The following NRXN1 variants were observed in gnomAD, a reference collection of about 807,000 sequenced individuals.
NRXN1 encodes the protein neurexin-1.
Under a neutral mutation model 150.9 loss-of-function variants are expected in NRXN1, and 39 were observed. That is an observed-to-expected ratio of 0.26 (90% CI 0.20 to 0.34). The LOEUF is 0.34. NRXN1 is among the 10% of genes least tolerant of loss of function. The pLI is 1.00. For synonymous variants in NRXN1, 924 were observed against 757.0 expected (o/e 1.22, Z -3.62); for missense variants, 1,815 against 1,949.9 (o/e 0.93, Z 1.30).
At chr2:50,622,150 A>T (rs1040720597) in intron 6 of NRXN1, among the ~76,000 whole-genome samples, 1 of 152,164 alleles carries the variant, frequency 6.6e-6, no homozygotes, top group African/African-American at 2.4e-5. Flanking sequence ...AGGTGGAAGC[A>T]TGCAGGGCCC....
intron 5 of NRXN1, among the ~76,000 whole-genome samples, chr2:50,671,475 T>G (rs1182040085): frequency 4.6e-5 from 7 of 151,666 alleles, no homozygotes; most frequent in African/African-American, 1.7e-4. Context: ...TCAAATCATT[T>G]TTCTGATAAT....
rs200181793 is a variant in NRXN1 at position 49,988,695 on chromosome 2, G to A, written c.4129-44904C>T. On this transcript the variant is annotated intron_variant, in intron 21 of 22. Coordinates refer to ENST00000401669, the MANE Select transcript of NRXN1 (RefSeq NM_001330078.2). ...ACTGAGAATGAATTGAATTATCACC[G>A]TACAAATAAATTTGGGAAGCAAGAT... Among the ~76,000 whole-genome samples the A allele has an allele frequency of 8.7e-5, 13 of 150,102 alleles. 1 individual carries two copies. In the East Asian group the frequency reaches 1.2e-3, roughly 14 times the overall value.
At chr2:50,153,653 A>G (rs1288272687) in intron 18 of NRXN1, among the ~76,000 whole-genome samples, 1 of 151,764 alleles carries the variant, frequency 6.6e-6, no homozygotes, top group Non-Finnish European at 1.5e-5. Flanking sequence ...CTGCATATGC[A>G]GTTGCTTTTG....
intron 2 of NRXN1, among the ~76,000 whole-genome samples, chr2:50,986,728 C>A (rs904683366): frequency 2.4e-5 from 2 of 84,082 alleles, no homozygotes; most frequent in Non-Finnish European, 4.5e-5. Context: ...AATATAATTG[C>A]CAAATATTCA....
At chr2:50,181,791 T>C (rs181813995) in intron 18 of NRXN1, among the ~76,000 whole-genome samples, 114 of 152,238 alleles carry the variant, frequency 7.5e-4, no homozygotes, top group Non-Finnish European at 6.2e-4. Context: ...CTTCAGTCCA[T>C]AGTTCTAGTA....
intron 6 of NRXN1, among the ~76,000 whole-genome samples, chr2:50,621,857 G>A (rs1360296380): frequency 6.6e-6 from 1 of 152,120 alleles, no homozygotes; most frequent in African/African-American, 2.4e-5. Flanking sequence ...GAGTAGAATG[G>A]ATTTGTGTTT....
At chr2:49,959,722 T>G (rs1675580977) in intron 21 of NRXN1, among the ~76,000 whole-genome samples, 1 of 152,222 alleles carries the variant, frequency 6.6e-6, no homozygotes, top group Non-Finnish European at 1.5e-5. Flanking sequence ...ATGATATACT[T>G]AACACTGTTC....
At chr2:50,925,442 C>T (rs1275241046) in intron 3 of NRXN1, among the ~76,000 whole-genome samples, 1 of 151,728 alleles carries the variant, frequency 6.6e-6, no homozygotes. Flanking sequence ...ATTTTTTAAT[C>T]TAAATTTATG....
At chr2:50,171,347 T>C (rs529782434) in intron 18 of NRXN1, among the ~76,000 whole-genome samples, 2 of 152,112 alleles carry the variant, frequency 1.3e-5, no homozygotes, top group Non-Finnish European at 2.9e-5. Context: ...TATTCAAATA[T>C]TCATATTTTC....
rs539571175 is a variant in NRXN1, at chr2:50,009,676, A to G, written c.4128+43595T>C. Among the ~76,000 whole-genome samples, 11 of 152,320 alleles carry G rather than the reference A, an allele frequency of 7.2e-5. No individual in the cohort carries two copies. The South Asian group carries it at 2.1e-3, about 29-fold the overall frequency. On this transcript the variant is annotated intron_variant, in intron 21 of 22. Transcript: ENST00000401669. ...TCGTACAAAAAGAGAGACATATCCA[A>G]TTCAAGAAAATTACACAGTACAGTA...
chr2:50,694,457 CT>C (rs1692530622), intron 5 of NRXN1, among the ~76,000 whole-genome samples: 1 of 152,142 alleles, frequency 6.6e-6, no homozygotes, highest in Non-Finnish European at 1.5e-5. Flanking sequence ...AATAATAAAA[CT>C]CCTTGGAATC....
At chr2:50,555,785 T>G (rs1668148991) in intron 8 of NRXN1, among the ~76,000 whole-genome samples, 1 of 152,208 alleles carries the variant, frequency 6.6e-6, no homozygotes, top group Non-Finnish European at 1.5e-5. Flanking sequence ...TATTTTGCCC[T>G]ATTTCTCTAG....
intron 5 of NRXN1, chr2:50,637,471 A>G (rs1683396117): frequency 6.6e-6 from 1 of 152,226 alleles, no homozygotes; most frequent in African/African-American, 2.4e-5. Flanking sequence ...CAACAGAGTT[A>G]CAGATTAAGT....
At chr2:50,143,220 G>T (rs1004116989) in intron 18 of NRXN1, among the ~76,000 whole-genome samples, 11 of 151,660 alleles carry the variant, frequency 7.3e-5, no homozygotes, top group African/African-American at 2.7e-4. Flanking sequence ...GAAGAAAAAT[G>T]TAATGCACCA....
At chr2:50,845,027 A>C (rs1453790958) in intron 5 of NRXN1, among the ~76,000 whole-genome samples, 1 of 152,024 alleles carries the variant, frequency 6.6e-6, no homozygotes, top group East Asian at 1.9e-4. Context: ...CTAATTTTCA[A>C]AAATTCTTTT....
At chr2:50,045,383 C>T (rs1162128342) in intron 21 of NRXN1, among the ~76,000 whole-genome samples, 1 of 152,112 alleles carries the variant, frequency 6.6e-6, no homozygotes, top group African/African-American at 2.4e-5. Flanking sequence ...CACTCTGTTG[C>T]CCAAGCTGGA....
At chr2:50,679,644 A>C (rs1221833381) in intron 5 of NRXN1, among the ~76,000 whole-genome samples, 2 of 152,068 alleles carry the variant, frequency 1.3e-5, no homozygotes, top group African/African-American at 4.8e-5. Context: ...ACTTACAAAA[A>C]CCTCACAAAA....
At chr2:50,561,158 G>C (rs1488816610) in intron 8 of NRXN1, among the ~76,000 whole-genome samples, 1 of 152,188 alleles carries the variant, frequency 6.6e-6, no homozygotes, top group Non-Finnish European at 1.5e-5. Context: ...ACTGCTTAAA[G>C]TTACTGAGAC....
chr2:50,410,154 T>C (rs1407385388), intron 17 of NRXN1, among the ~76,000 whole-genome samples: 2 of 152,010 alleles, frequency 1.3e-5, no homozygotes, highest in Non-Finnish European at 2.9e-5. Context: ...TATTCTCCAA[T>C]ATAACCAGCA....
Sources: gnomAD v4.1 joint callset for allele counts (sites outside exome capture counted in the v4.1 genomes callset) on GRCh38, gnomAD v4.1.1 for gene constraint, MANE v1.5 for transcripts, NCBI Gene and HGNC (gene_info 2026-07-23, HGNC 2026-07-21) for gene names.